Variants in SLC39A11 observed in about 807,000 individuals in gnomAD.
The protein encoded by SLC39A11 is solute carrier family 39 member 11.
In SLC39A11, 33 loss-of-function variants were observed where a neutral mutation model predicts 36.1. The ratio of observed to expected loss-of-function variants is 0.91; its 90% CI spans 0.69 to 1.22. The LOEUF (loss-of-function observed/expected upper bound fraction) is 1.22, where lower values mean the gene tolerates loss of function less well. Among genes scored for constraint, SLC39A11 ranks in the 50% most tolerant of loss-of-function variants. The pLI, the probability that SLC39A11 is intolerant of heterozygous loss-of-function variation, is 0.00. For missense variants in SLC39A11, 432 were observed against 430.3 expected (o/e 1.00, Z -0.03); for synonymous variants, 166 against 170.3 (o/e 0.97, Z 0.20).
chr17:72,999,224 A>G (rs1480512558), intron 4 of SLC39A11, among the ~76,000 whole-genome samples: 1 of 152,196 alleles, frequency 6.6e-6, no homozygotes, highest in Non-Finnish European at 1.5e-5. Flanking sequence ...TGGAGATTTC[A>G]ATTATCCAAA....
chr17:72,922,799 A>G (rs1464374093), intron 5 of SLC39A11, among the ~76,000 whole-genome samples: 2 of 151,684 alleles, frequency 1.3e-5, no homozygotes, highest in African/African-American at 4.8e-5. Flanking sequence ...AAAACCCCAT[A>G]TCTATTAAAA....
At chr17:72,760,144 A>T (rs935027016) in intron 6 of SLC39A11, among the ~76,000 whole-genome samples, 22 of 152,188 alleles carry the variant, frequency 1.4e-4, no homozygotes, top group African/African-American at 5.3e-4. Context: ...CTCGTGCCTC[A>T]GCCTCCCGAG....
intron 3 of SLC39A11, among the ~76,000 whole-genome samples, chr17:73,059,415 C>T (rs6501596): frequency 0.43 from 65,692 of 151,996 alleles, 14,508 homozygotes; most frequent in Non-Finnish European, 0.47. Flanking sequence ...CCTGTAATCC[C>T]AGCACTTTGG....
At chr17:72,879,581 C>G (rs2081091820) in intron 5 of SLC39A11, among the ~76,000 whole-genome samples, 1 of 152,182 alleles carries the variant, frequency 6.6e-6, no homozygotes, top group African/African-American at 2.4e-5. Flanking sequence ...GAGGTTTTGT[C>G]TGTTTTGCCG....
intron 6 of SLC39A11, among the ~76,000 whole-genome samples, chr17:72,767,642 G>A (rs1393373992): frequency 2.6e-5 from 4 of 152,226 alleles, no homozygotes; most frequent in Non-Finnish European, 5.9e-5. Context: ...TGGAGCATCT[G>A]TCATGCCCAC....
intron 4 of SLC39A11, among the ~76,000 whole-genome samples, chr17:72,982,157 A>T (rs2088371667): frequency 1.3e-5 from 2 of 152,116 alleles, no homozygotes; most frequent in South Asian, 4.1e-4. Context: ...AAAAATCAAA[A>T]ATTTTACTAA....
At chr17:73,014,308 C>T (rs1212331947) in intron 4 of SLC39A11, among the ~76,000 whole-genome samples, 1 of 152,078 alleles carries the variant, frequency 6.6e-6, no homozygotes, top group African/African-American at 2.4e-5. Context: ...ACTCCCTATC[C>T]CGGTGCAATT....
At chr17:72,785,096 G>T (rs542075803) in intron 6 of SLC39A11, among the ~76,000 whole-genome samples, 45 of 152,190 alleles carry the variant, frequency 3.0e-4, no homozygotes, top group South Asian at 2.1e-4. Context: ...TTGAACTCCT[G>T]ACCTCATGAT....
intron 7 of SLC39A11, among the ~76,000 whole-genome samples, chr17:72,735,771 C>T (rs1344187398): frequency 2.6e-5 from 4 of 152,112 alleles, no homozygotes; most frequent in Non-Finnish European, 5.9e-5. Context: ...GCTTTATGGG[C>T]CTGGGTGGAC....
chr17:72,940,810 A>C (rs185948972), intron 5 of SLC39A11, among the ~76,000 whole-genome samples: 4 of 152,340 alleles, frequency 2.6e-5, no homozygotes, highest in African/African-American at 9.6e-5. Context: ...AAAATTGTTC[A>C]GCGCAACTAT....
chr17:72,808,086 T>G (rs555963080), intron 6 of SLC39A11, among the ~76,000 whole-genome samples: 97 of 152,090 alleles, frequency 6.4e-4, no homozygotes, highest in African/African-American at 8.7e-4. Flanking sequence ...TGGCCATAAG[T>G]TCTGTGTGTG....
intron 6 of SLC39A11, among the ~76,000 whole-genome samples, chr17:72,747,438 C>T (rs766191458): frequency 3.1e-4 from 47 of 152,220 alleles, no homozygotes; most frequent in Non-Finnish European, 5.6e-4. Flanking sequence ...AGGCGTGAGC[C>T]ACCGCGCCTG....
intron 4 of SLC39A11, among the ~76,000 whole-genome samples, chr17:72,978,590 C>T (rs1011001395): frequency 2.6e-5 from 4 of 151,400 alleles, no homozygotes; most frequent in East Asian, 1.9e-4. Context: ...ATGCAAAGGC[C>T]GGGAGGTGGG....
intron 7 of SLC39A11, among the ~76,000 whole-genome samples, chr17:72,705,620 C>T (rs545776274): frequency 1.8e-4 from 27 of 152,246 alleles, no homozygotes; most frequent in African/African-American, 4.8e-4. Context: ...CTACCTAACT[C>T]GATGGCGGAG....
chr17:72,864,146 C>T (rs552434234), intron 5 of SLC39A11, among the ~76,000 whole-genome samples: 72 of 152,294 alleles, frequency 4.7e-4, no homozygotes, highest in Non-Finnish European at 8.1e-4. Context: ...ACCACCTCAC[C>T]GGGGCCACCT....
intron 4 of SLC39A11, among the ~76,000 whole-genome samples, chr17:73,017,116 G>T (rs2058193822): frequency 6.6e-6 from 1 of 152,172 alleles, no homozygotes; most frequent in Admixed American, 6.5e-5. Flanking sequence ...GGATTGGAGG[G>T]CAGAGAGAAA....
At chr17:72,945,709 G>C (rs1189508872) in intron 5 of SLC39A11, among the ~76,000 whole-genome samples, 1 of 152,122 alleles carries the variant, frequency 6.6e-6, no homozygotes, top group Non-Finnish European at 1.5e-5. Context: ...GGGGGACTGG[G>C]TTACATCTCC....
At chr17:72,720,878 T>C (rs1312180882) in intron 7 of SLC39A11, among the ~76,000 whole-genome samples, 3 of 152,118 alleles carry the variant, frequency 2.0e-5, no homozygotes, top group Non-Finnish European at 4.4e-5. Flanking sequence ...ATAGTGCCTA[T>C]TCATCCCCCG....
At chr17:72,851,585 T>C (rs1031135409) in intron 5 of SLC39A11, among the ~76,000 whole-genome samples, 1 of 152,224 alleles carries the variant, frequency 6.6e-6, no homozygotes, top group African/African-American at 2.4e-5. Flanking sequence ...ACTTAGTATG[T>C]ATACAAATGA....
Sources: allele counts gnomAD v4.1 joint callset (sites outside exome capture counted in the v4.1 genomes callset), GRCh38; gene constraint gnomAD v4.1.1; transcripts MANE v1.5; gene names NCBI Gene and HGNC (gene_info 2026-07-23, HGNC 2026-07-21).